The following SPECC1 variants were observed in gnomAD, a reference collection of about 807,000 sequenced individuals.
SPECC1 encodes the protein cytospin-B.
SPECC1 carries 62 observed loss-of-function variants against 104.1 expected under a neutral mutation model. That is an observed-to-expected ratio of 0.60 (90% CI 0.49 to 0.74). The LOEUF (loss-of-function observed/expected upper bound fraction) is 0.74. SPECC1 is among the 30% of genes least tolerant of loss of function. The pLI is 0.00. For missense variants in SPECC1, 1,306 were observed against 1,310.5 expected (o/e 1.00, Z 0.05); for synonymous variants, 513 against 501.6 (o/e 1.02, Z -0.30).
chr17:20,036,936 T>C (rs907471658), intron 1 of SPECC1, among the ~76,000 whole-genome samples: 1 of 152,226 alleles, frequency 6.6e-6, no homozygotes, highest in Non-Finnish European at 1.5e-5. Context: ...AGGTTAGCTG[T>C]AAGCTTTTGT....
Position 20,314,047 on chromosome 17 carries a change from C to T in SPECC1, c.3189C>T (p.Tyr1063=). The stretch of plus-strand genomic sequence containing the variant: ...TGATGCAGTACGTGGCCCAAATCTA[C>T]AAGTACTTTGAGACGTAACCCTGGA... The part of the protein sequence containing the change: ...QSVMQYVAQI[Y]KYFET Residue 1063 remains tyrosine, a synonymous_variant, in exon 15 of 15, where the codon TAC becomes TAT. Coordinates refer to ENST00000395527, the MANE Select transcript of SPECC1 (RefSeq NM_001243439.2). 6.2e-7 allele frequency: 1 copy of T among 1,614,158 alleles called. No individual in the cohort carries two copies. Among genetic ancestry groups the T allele is most frequent in the Non-Finnish European group, 8.5e-7 (1 of 1,180,020 alleles).
At chr17:20,191,356 C>T (rs191920668) in intron 3 of SPECC1, among the ~76,000 whole-genome samples, 8 of 152,264 alleles carry the variant, frequency 5.3e-5, no homozygotes, top group Non-Finnish European at 7.4e-5. Context: ...CAATGAGTCC[C>T]GGTTGCTCCA....
chr17:20,063,711 T>A (rs2152473556), intron 1 of SPECC1, among the ~76,000 whole-genome samples: 1 of 152,258 alleles, frequency 6.6e-6, no homozygotes, highest in East Asian at 1.9e-4. Flanking sequence ...CACAGGCAGT[T>A]CAGAATCCAT....
At position 20,175,682 on chromosome 17, in the gene SPECC1, G is replaced by A. The variant is rs1452563393; in HGVS notation, c.284-28651G>A. 5.3e-5 allele frequency among the ~76,000 whole-genome samples: 8 copies of A among 152,302 alleles called. 1 individual carries two copies. The East Asian group carries it at 1.5e-3, about 29-fold the overall frequency. ...ACTGAAAATTGGTTGACTTTCTGAA[G>A]GACTATTACTACACTGGCCTTGCTG... On this transcript the variant is annotated intron_variant, in intron 3 of 14. Coordinates refer to ENST00000395527, the MANE Select transcript of SPECC1 (RefSeq NM_001243439.2).
At chr17:20,246,911 C>G (rs1477139232) in intron 8 of SPECC1, among the ~76,000 whole-genome samples, 2 of 152,146 alleles carry the variant, frequency 1.3e-5, no homozygotes, top group Admixed American at 6.5e-5. Context: ...TCTGTGAAGA[C>G]AGGAAATGAA....
intron 2 of SPECC1, among the ~76,000 whole-genome samples, chr17:20,107,796 G>A (rs191590918): frequency 6.6e-6 from 1 of 152,154 alleles, no homozygotes; most frequent in Non-Finnish European, 1.5e-5. Flanking sequence ...AAAGTGCTAG[G>A]ATTATAGGCA....
At chr17:20,076,724 A>G (rs1597656137) in intron 1 of SPECC1, among the ~76,000 whole-genome samples, 1 of 152,334 alleles carries the variant, frequency 6.6e-6, no homozygotes, top group African/African-American at 2.4e-5. Context: ...GTAAAAGGGC[A>G]TGACCATTTT....
chr17:20,130,758 G>T (rs974756734), intron 3 of SPECC1, among the ~76,000 whole-genome samples: 1 of 152,166 alleles, frequency 6.6e-6, no homozygotes, highest in Non-Finnish European at 1.5e-5. Context: ...TACCTACAAA[G>T]AAATCTTCTG....
intron 3 of SPECC1, among the ~76,000 whole-genome samples, chr17:20,163,814 G>T (rs887276851): frequency 9.9e-5 from 15 of 152,036 alleles, no homozygotes; most frequent in African/African-American, 3.6e-4. Context: ...TCCCACCTTG[G>T]CCTCCCAAAG....
At chr17:20,220,515 AT>A (rs2037806066) in intron 4 of SPECC1, among the ~76,000 whole-genome samples, 1 of 146,644 alleles carries the variant, frequency 6.8e-6, no homozygotes, top group African/African-American at 2.5e-5. Context: ...TTGCATGTTG[AT>A]TTTGTATCCT....
intron 3 of SPECC1, among the ~76,000 whole-genome samples, chr17:20,192,126 G>A (rs532369093): frequency 9.2e-5 from 14 of 151,640 alleles, no homozygotes; most frequent in African/African-American, 2.7e-4. Context: ...TTGATGAGAC[G>A]AGTCTCACTA....
intron 1 of SPECC1, among the ~76,000 whole-genome samples, chr17:20,023,966 T>C (rs1194819942): frequency 6.6e-6 from 1 of 152,006 alleles, no homozygotes; most frequent in East Asian, 1.9e-4. Flanking sequence ...CAAATTTACG[T>C]GTGATGTGTA....
chr17:20,136,166 T>G (rs182312051), intron 3 of SPECC1, among the ~76,000 whole-genome samples: 140 of 152,184 alleles, frequency 9.2e-4, no homozygotes, highest in Non-Finnish European at 1.6e-3. Context: ...CTTCTCACAC[T>G]TGTAATCCCA....
intron 3 of SPECC1, among the ~76,000 whole-genome samples, chr17:20,136,253 G>A (rs887577483): frequency 2.0e-5 from 3 of 151,926 alleles, no homozygotes; most frequent in Admixed American, 6.6e-5. Context: ...GTGAAACCCC[G>A]TCTCTACTGA....
chr17:20,190,280 C>T (rs2035573901), intron 3 of SPECC1, among the ~76,000 whole-genome samples: 1 of 152,130 alleles, frequency 6.6e-6, no homozygotes, highest in Non-Finnish European at 1.5e-5. Context: ...CCTGTTTCCA[C>T]ACTGTACTCA....
chr17:20,140,785 A>C (rs921175937), intron 3 of SPECC1, among the ~76,000 whole-genome samples: 22 of 152,218 alleles, frequency 1.4e-4, no homozygotes, highest in Non-Finnish European at 2.9e-5. Flanking sequence ...AGTGCATAAG[A>C]GAGCAACTTC....
At chr17:20,060,948 TTAG>T (rs2046163827) in intron 1 of SPECC1, among the ~76,000 whole-genome samples, 1 of 152,244 alleles carries the variant, frequency 6.6e-6, no homozygotes, top group Admixed American at 6.5e-5. Context: ...AACTACTGTG[TTAG>T]TAGTGCAAGT....
At chr17:20,087,817 T>C (rs1424196510) in intron 1 of SPECC1, among the ~76,000 whole-genome samples, 1 of 152,008 alleles carries the variant, frequency 6.6e-6, no homozygotes, top group Non-Finnish European at 1.5e-5. Flanking sequence ...GAGTCTTCAT[T>C]TGGTGATAAA....
chr17:20,125,785 T>A (rs2049273075), intron 3 of SPECC1, among the ~76,000 whole-genome samples: 1 of 152,258 alleles, frequency 6.6e-6, no homozygotes, highest in Non-Finnish European at 1.5e-5. Context: ...TGGACCAGAC[T>A]GGCTTTCAGC....
Sources: allele counts gnomAD v4.1 joint callset (sites outside exome capture counted in the v4.1 genomes callset), GRCh38; gene constraint gnomAD v4.1.1; transcripts MANE v1.5; gene names NCBI Gene and HGNC (gene_info 2026-07-23, HGNC 2026-07-21).